Variants in IQCH observed in about 807,000 individuals in gnomAD.
IQCH encodes IQ motif containing H.
Under a neutral mutation model 117.0 loss-of-function variants are expected in IQCH, and 98 were observed. The ratio of observed to expected loss-of-function variants is 0.84; its 90% CI spans 0.71 to 0.99. The LOEUF (loss-of-function observed/expected upper bound fraction) is 0.99, where lower values mean the gene tolerates loss of function less well. IQCH is among the 50% of genes least tolerant of loss of function. The pLI is 0.00. For synonymous variants in IQCH, 412 were observed against 448.2 expected (o/e 0.92, Z 1.02); for missense variants, 1,102 against 1,243.8 (o/e 0.89, Z 1.72).
At chr15:67,338,904 A>G (rs1357504343) in intron 5 of IQCH, among the ~76,000 whole-genome samples, 1 of 152,220 alleles carries the variant, frequency 6.6e-6, no homozygotes, top group East Asian at 1.9e-4. Context: ...CTTCGCTCTC[A>G]TCTCTCATCT....
chr15:67,426,274 CAT>C lies in IQCH; in HGVS notation c.2505+4700_2505+4701del, dbSNP rs1417343352. ...ACACACATATATGCATATAAACACA[CAT>C]ATGTACATATACATACATCTGTGCA... On this transcript the variant is annotated intron_variant, in intron 16 of 20. Coordinates refer to ENST00000335894, the MANE Select transcript of IQCH (RefSeq NM_001031715.3). This position sits in a 1 kb window ranked among gnomAD's most constrained non-coding sequence, Gnocchi z 5.1. 2.0e-5 allele frequency among the ~76,000 whole-genome samples: 3 copies of C among 152,136 alleles called. No individual in the cohort carries two copies. The highest frequency in any genetic ancestry group is 7.2e-5 in the African/African-American group (3 of 41,426).
rs879489462 is a variant in IQCH, at chr15:67,426,536, C to T, written c.2505+4959C>T. Among the ~76,000 whole-genome samples, 8 of 151,300 alleles carry T rather than the reference C, an allele frequency of 5.3e-5. No individual in the cohort carries two copies. The highest frequency in any genetic ancestry group is 8.8e-5 in the Non-Finnish European group (6 of 67,956). ...ACATGTATGGCCAAAATATATATAA[C>T]TATTACATATCAATAAAAAATACCA... On this transcript the variant is annotated intron_variant, in intron 16 of 20. Transcript: ENST00000335894. This position sits in a 1 kb window ranked among gnomAD's most constrained non-coding sequence, Gnocchi z 5.1.
At position 67,453,341 on chromosome 15, in the gene IQCH, C is replaced by G. The variant is rs2082580067; in HGVS notation, c.2506-11786C>G. 6.6e-6 allele frequency among the ~76,000 whole-genome samples: 1 copy of G among 152,046 alleles called. No individual in the cohort carries two copies. Among genetic ancestry groups the G allele is most frequent in the Non-Finnish European group, 1.5e-5 (1 of 68,034 alleles). ...TCCAGTTTTTCTGCTCTGTTTTTTTCCCATCTTTGTGGTTTTATCTACCTT... is the reference window on the plus strand; with the variant it reads ...TCCAGTTTTTCTGCTCTGTTTTTTTGCCATCTTTGTGGTTTTATCTACCTT... On this transcript the variant is annotated intron_variant, in intron 16 of 20. Transcript: ENST00000335894. The surrounding 1 kb of genome is among the most constrained non-coding windows in gnomAD (Gnocchi z 5.8).
intron 12 of IQCH, among the ~76,000 whole-genome samples, chr15:67,392,613 C>CA (rs1971323680): frequency 6.6e-6 from 1 of 151,726 alleles, no homozygotes; most frequent in Non-Finnish European, 1.5e-5. Context: ...TCGGTCTCTA[C>CA]AAAAAATACA....
rs1406151479 is a variant in IQCH, at chr15:67,458,507, G to A, written c.2506-6620G>A. 6.6e-6 allele frequency among the ~76,000 whole-genome samples: 1 copy of A among 152,114 alleles called. No homozygotes were observed. Among genetic ancestry groups the A allele is most frequent in the Non-Finnish European group, 1.5e-5 (1 of 68,036 alleles). ...CTGTTTCCATCCTTGCCCCCTCAGGGCCTCTTGTCAATGCAATTAGAGTCA... is the reference window on the plus strand; with the variant it reads ...CTGTTTCCATCCTTGCCCCCTCAGGACCTCTTGTCAATGCAATTAGAGTCA... On this transcript the variant is annotated intron_variant, in intron 16 of 20. Transcript: ENST00000335894. This position sits in a 1 kb window ranked among gnomAD's most constrained non-coding sequence, Gnocchi z 4.1.
chr15:67,437,216 G>A (rs1244266173), intron 16 of IQCH, among the ~76,000 whole-genome samples: 1 of 152,132 alleles, frequency 6.6e-6, no homozygotes, highest in Non-Finnish European at 1.5e-5. Context: ...TATAATATAT[G>A]GTTCACATCA....
At chr15:67,292,287 G>A (rs184269612) in intron 4 of IQCH, among the ~76,000 whole-genome samples, 177 of 152,222 alleles carry the variant, frequency 1.2e-3, no homozygotes, top group African/African-American at 3.9e-3. Flanking sequence ...GTATTGCTCT[G>A]TTGCCCTGGC....
chr15:67,457,797 G>A lies in IQCH; in HGVS notation c.2506-7330G>A, dbSNP rs191800225. Among the ~76,000 whole-genome samples, 279 of 152,270 alleles carry A rather than the reference G, an allele frequency of 1.8e-3. 1 individual carries two copies. The highest frequency in any genetic ancestry group is 6.8e-3 in the Middle Eastern group (2 of 294). On this transcript the variant is annotated intron_variant, in intron 16 of 20. Transcript: ENST00000335894. This position sits in a 1 kb window ranked among gnomAD's most constrained non-coding sequence, Gnocchi z 5.7. ...TCTGGTCCAGGGCACTCTCTGTCCT[G>A]AGAAAGCCATCCACCTCTCCCAAGC...
At position 67,405,742 on chromosome 15, in the gene IQCH, G is replaced by A. The variant is rs1758038371; in HGVS notation, c.2097+5437G>A. On this transcript the variant is annotated intron_variant, in intron 14 of 20. Transcript: ENST00000335894. The surrounding 1 kb of genome is among the most constrained non-coding windows in gnomAD (Gnocchi z 4.8). ...ACCTTATTTGAAAGTCCTGGGAAGT[G>A]TTCTCCCTCAGGTCCTTGCCTTTGT... 6.6e-6 allele frequency: 1 copy of A among 152,248 alleles called. No individual in the cohort carries two copies. The highest frequency in any genetic ancestry group is 2.1e-4 in the South Asian group (1 of 4,834). The allele number at this position is 152,248 out of a possible 1,614,324, so 9.4% of individuals were successfully genotyped here. A position where few individuals can be genotyped will look rare whatever the true frequency, so the allele number is the denominator to read the frequency against.
Position 67,458,576 on chromosome 15 carries a change from G to A in IQCH, c.2506-6551G>A, listed in dbSNP as rs2082713843. ...ACTCCTCCACTCAACACTCTCCAGT[G>A]CATTCCCAGCCTCCACAGCTGTAAA... is the stretch of plus-strand genomic sequence containing the variant. On this transcript the variant is annotated intron_variant, in intron 16 of 20. Transcript: ENST00000335894. The surrounding 1 kb of genome is among the most constrained non-coding windows in gnomAD (Gnocchi z 4.1). Among the ~76,000 whole-genome samples, 1 of 152,198 alleles carries A rather than the reference G, an allele frequency of 6.6e-6. No homozygotes were observed. Among genetic ancestry groups the A allele is most frequent in the Admixed American group, 6.5e-5 (1 of 15,280 alleles).
Position 67,466,569 on chromosome 15 carries a change from C to G in IQCH, c.2676+1272C>G, listed in dbSNP as rs905573496. The G allele has an allele frequency of 6.6e-6, 1 of 152,144 alleles. No homozygotes were observed. Among genetic ancestry groups the G allele is most frequent in the Non-Finnish European group, 1.5e-5 (1 of 68,046 alleles). 9.4% of individuals were successfully genotyped at this position (152,144 alleles called of 1,614,324 possible). ...GGATTTGAATAACCTTTGACTCTTCCCAGGATCTCTGCAGTCACCATAAGG... is the reference window on the plus strand; with the variant it reads ...GGATTTGAATAACCTTTGACTCTTCGCAGGATCTCTGCAGTCACCATAAGG... On this transcript the variant is annotated intron_variant, in intron 17 of 20. Transcript: ENST00000335894. This position sits in a 1 kb window ranked among gnomAD's most constrained non-coding sequence, Gnocchi z 4.4.
At position 67,458,843 on chromosome 15, in the gene IQCH, A is replaced by C. The variant is rs1429424223; in HGVS notation, c.2506-6284A>C. On this transcript the variant is annotated intron_variant, in intron 16 of 20. Transcript: ENST00000335894. This position sits in a 1 kb window ranked among gnomAD's most constrained non-coding sequence, Gnocchi z 4.1. Reference sequence around the variant, plus strand: ...CCCTTTGGCCAACCAGCTACTGAGCATGATGGGCCGTGTATCACAGTTCAC... The same window carrying C: ...CCCTTTGGCCAACCAGCTACTGAGCCTGATGGGCCGTGTATCACAGTTCAC... Among the ~76,000 whole-genome samples the C allele has an allele frequency of 1.3e-5, 2 of 152,244 alleles. No homozygotes were observed.
chr15:67,255,082 C>T, intron 1 of IQCH, 135 bp downstream of exon 1: 1 of 829,026 alleles, frequency 1.2e-6, no homozygotes, highest in Non-Finnish European at 2.0e-6. Flanking sequence ...GAGAGGCTCC[C>T]AAAAATGCCC....
intron 6 of IQCH, among the ~76,000 whole-genome samples, chr15:67,353,010 G>T (rs1010648782): frequency 4.6e-5 from 7 of 152,034 alleles, no homozygotes; most frequent in African/African-American, 1.7e-4. Context: ...GCCAGGCGTG[G>T]TGGTGCGCAC....
rs2083744391 is a variant in IQCH, at chr15:67,494,274, C to T, written c.2878C>T (p.Leu960Phe). 1.9e-6 allele frequency: 3 copies of T among 1,610,466 alleles called. No homozygotes were observed. Among genetic ancestry groups the T allele is most frequent in the African/African-American group, 2.7e-5 (2 of 74,780 alleles). Residue 960 changes from leucine (L) to phenylalanine (F), a missense_variant, in exon 20 of 21, where the codon CTC (leucine) becomes TTC (phenylalanine). Around this residue, in one of 2 missense-constraint regions of IQCH, gnomAD observed 650 missense variants for 794.3 expected, o/e 0.82. Transcript: ENST00000335894. The surrounding 1 kb of genome is among the most constrained non-coding windows in gnomAD (Gnocchi z 5.5). ...CATTAACAGAACAATCGGCGAGGAT[C>T]TCCAGGGGGTCCTCATGACCTTTGC... ...KLGMLTIGED[L>F]QGVLMTFARH...
chr15:67,279,417 C>T lies in IQCH; in HGVS notation c.292C>T (p.Gln98Ter). 6.3e-7 allele frequency: 1 copy of T among 1,597,288 alleles called. No homozygotes were observed. The highest frequency in any genetic ancestry group is 8.6e-7 in the Non-Finnish European group (1 of 1,166,802). ...TAGGTTACTTCCAACTGTAATTGAT[C>T]AGAAATCATTTATTTTCCCTCAGGA... Reference protein sequence around the residue: ...SKWLLPTVIDQKSFIFPQESE... With the variant: ...SKWLLPTVID Residue 98 changes from glutamine to a stop codon, truncating the protein, a stop_gained, in exon 4 of 21, where the codon CAG (glutamine) becomes TAG (stop). Coordinates refer to ENST00000335894, the MANE Select transcript of IQCH (RefSeq NM_001031715.3). LOFTEE classifies it high-confidence loss of function.
intron 16 of IQCH, among the ~76,000 whole-genome samples, chr15:67,444,289 T>C (rs559969447): frequency 6.6e-5 from 10 of 152,350 alleles, no homozygotes; most frequent in Non-Finnish European, 1.2e-4. Flanking sequence ...GTGGTAGCCA[T>C]TTTTAAACTT....
chr15:67,431,253 A>G lies in IQCH; in HGVS notation c.2505+9676A>G, dbSNP rs770004210. ...TTCCTCATATAAAAGTCTCTAAACA[A>G]ATAGATTGGCAAAGATGCTCTATAT... On this transcript the variant is annotated intron_variant, in intron 16 of 20. Coordinates refer to ENST00000335894, the MANE Select transcript of IQCH (RefSeq NM_001031715.3). This position sits in a 1 kb window ranked among gnomAD's most constrained non-coding sequence, Gnocchi z 4.8. Among the ~76,000 whole-genome samples the G allele has an allele frequency of 1.3e-5, 2 of 152,242 alleles. No homozygotes were observed. Among genetic ancestry groups the G allele is most frequent in the Non-Finnish European group, 2.9e-5 (2 of 68,048 alleles).
rs1971280549 is a variant in IQCH at position 67,391,408 on chromosome 15, G to C, written c.1632+2402G>C. On this transcript the variant is annotated intron_variant, in intron 12 of 20. Coordinates refer to ENST00000335894, the MANE Select transcript of IQCH (RefSeq NM_001031715.3). This position sits in a 1 kb window ranked among gnomAD's most constrained non-coding sequence, Gnocchi z 4.3. The stretch of plus-strand genomic sequence containing the variant: ...TATCAGTGCTGATTTTCATTTAAAT[G>C]GATGGCTATGAGATTTTTTAAAGCA... Among the ~76,000 whole-genome samples the C allele has an allele frequency of 6.6e-6, 1 of 152,122 alleles. No individual in the cohort carries two copies. Among genetic ancestry groups the C allele is most frequent in the African/African-American group, 2.4e-5 (1 of 41,408 alleles).
Sources: allele counts gnomAD v4.1 joint callset (sites outside exome capture counted in the v4.1 genomes callset), GRCh38; gene constraint gnomAD v4.1.1; regional missense constraint gnomAD v4.1.1; non-coding constraint Gnocchi (gnomAD v3.1); transcripts MANE v1.5; gene names NCBI Gene and HGNC (gene_info 2026-07-23, HGNC 2026-07-21).